POLH: variants seen among roughly 807,000 people sequenced by gnomAD.
The protein encoded by POLH is DNA polymerase eta transcript.
In POLH, 53 loss-of-function variants were observed where a neutral mutation model predicts 73.6. The ratio of observed to expected loss-of-function variants is 0.72; its 90% CI spans 0.58 to 0.91. POLH has a LOEUF of 0.91. POLH is among the 40% of genes least tolerant of loss of function. POLH has a pLI of 0.00. For missense variants in POLH, 768 were observed against 865.4 expected (o/e 0.89, Z 1.41); for synonymous variants, 292 against 308.5 (o/e 0.95, Z 0.56).
In POLH at chr6:43,614,590, AT is replaced by A; in HGVS notation, c.*39del. 1 of 1,543,884 alleles carries A rather than the reference AT, an allele frequency of 6.5e-7. No homozygotes were observed. Among genetic ancestry groups the A allele is most frequent in the Non-Finnish European group, 8.9e-7 (1 of 1,120,764 alleles). On this transcript the variant is annotated 3_prime_UTR_variant, in exon 11 of 11. Coordinates refer to ENST00000372236, the MANE Select transcript of POLH (RefSeq NM_006502.3). ...CTCAGGCTTGCCTGTAGGATTTAAT[AT>A]TTTTTATCTTTACAGATCTTTATCT...
intron 3 of POLH, among the ~76,000 whole-genome samples, chr6:43,586,430 G>A (rs982170037): frequency 2.6e-5 from 4 of 152,188 alleles, no homozygotes. Flanking sequence ...GCAGTGAGGC[G>A]AGATGCCACT....
Position 43,620,265 on chromosome 6 carries a change from C to T in POLH, c.*5708C>T, listed in dbSNP as rs1280238344. ...GCTACCTATTTCACGTGAAAGGCCT[C>T]AGTATTCTGCTCACTTGAACTACGG... On this transcript the variant is annotated 3_prime_UTR_variant, in exon 11 of 11. Coordinates refer to ENST00000372236, the MANE Select transcript of POLH (RefSeq NM_006502.3). 1.9e-6 allele frequency: 1 copy of T among 517,212 alleles called. No individual in the cohort carries two copies. The highest frequency in any genetic ancestry group is 5.5e-5 in the East Asian group (1 of 18,230). The allele number at this position is 517,212 out of a possible 1,614,324, so 32.0% of individuals were successfully genotyped here. A position where few individuals can be genotyped will look rare whatever the true frequency, so the allele number is the denominator to read the frequency against.
chr6:43,595,520 G>A (rs1270018561), intron 4 of POLH, among the ~76,000 whole-genome samples: 1 of 152,186 alleles, frequency 6.6e-6, no homozygotes, highest in Non-Finnish European at 1.5e-5. Context: ...GGCCAAGGCA[G>A]GCGGATCACG....
Position 43,602,995 on chromosome 6 carries a change from CTTTTTTTTTTT to C in POLH, c.765-884_765-874del, listed in dbSNP as rs59306548. Among the ~76,000 whole-genome samples the C allele has an allele frequency of 6.5e-4, 74 of 114,032 alleles. 1 individual carries two copies. Among genetic ancestry groups the C allele is most frequent in the African/African-American group, 2.7e-3 (69 of 25,802 alleles). 74.8% of individuals were successfully genotyped at this position (114,032 alleles called of 152,430 possible). On this transcript the variant is annotated intron_variant, in intron 6 of 10. Transcript: ENST00000372236. Reference sequence around the variant, plus strand: ...CTGTTTATATTTAGGTTATGTATTCCTTTTTTTTTTTTTTTTTTTTTTTGAAACAGAGTCTT... The same window carrying C: ...CTGTTTATATTTAGGTTATGTATTCCTTTTTTTTTTTTGAAACAGAGTCTT...
chr6:43,582,335 G>A lies in POLH; in HGVS notation c.16G>A (p.Asp6Asn), dbSNP rs1246593709. The stretch of plus-strand genomic sequence containing the variant: ...TTACAGAAAAATGGCTACTGGACAG[G>A]ATCGAGTGGTTGCTCTCGTGGACAT... MATGQ[D>N]RVVALVDMDC... Residue 6 changes from aspartate (D) to asparagine (N), a missense_variant, in exon 2 of 11, where the codon GAT becomes AAT. Transcript: ENST00000372236. The A allele has an allele frequency of 1.2e-6, 2 of 1,614,046 alleles. No homozygotes were observed. Among genetic ancestry groups the A allele is most frequent in the Non-Finnish European group, 1.7e-6 (2 of 1,180,026 alleles).
At chr6:43,612,408 G>A (rs948553785) in intron 10 of POLH, among the ~76,000 whole-genome samples, 27 of 149,884 alleles carry the variant, frequency 1.8e-4, no homozygotes, top group Admixed American at 1.7e-3. Flanking sequence ...GTGCAGTGAC[G>A]CAATCTCGGC....
intron 4 of POLH, among the ~76,000 whole-genome samples, chr6:43,595,677 G>A (rs1471303665): frequency 1.3e-5 from 2 of 152,110 alleles, no homozygotes; most frequent in Admixed American, 6.6e-5. Flanking sequence ...CGTGGACTCG[G>A]GAGGCTGAGG....
At chr6:43,607,655 T>C (rs1332127868) in intron 9 of POLH, among the ~76,000 whole-genome samples, 1 of 152,218 alleles carries the variant, frequency 6.6e-6, no homozygotes, top group Non-Finnish European at 1.5e-5. Context: ...TTTTCCACAG[T>C]GGCTACACCA....
chr6:43,576,675 C>T (rs962768764), intron 1 of POLH, among the ~76,000 whole-genome samples: 2 of 152,104 alleles, frequency 1.3e-5, no homozygotes, highest in Non-Finnish European at 2.9e-5. Flanking sequence ...GTATTATTAC[C>T]TGGTGGGCAC....
intron 3 of POLH, among the ~76,000 whole-genome samples, chr6:43,584,125 A>G (rs777960299): frequency 1.3e-5 from 2 of 152,230 alleles, no homozygotes; most frequent in Non-Finnish European, 2.9e-5. Flanking sequence ...TCTGGGTGAC[A>G]GAGTGAGACC....
At position 43,619,182 on chromosome 6, in the gene POLH, GC is replaced by G. The variant is rs1768543714; in HGVS notation, c.*4627del. 6.6e-6 allele frequency among the ~76,000 whole-genome samples: 1 copy of G among 151,834 alleles called. No individual in the cohort carries two copies. The highest frequency in any genetic ancestry group is 1.5e-5 in the Non-Finnish European group (1 of 67,972). On this transcript the variant is annotated 3_prime_UTR_variant, in exon 11 of 11. Coordinates refer to ENST00000372236, the MANE Select transcript of POLH (RefSeq NM_006502.3). ...ACTGGAGCCCTGGAGTTCAAAACCG[GC>G]CTAAGCCACATGGCAAAACAGTCTT...
At chr6:43,592,922 G>T (rs1449985180) in intron 4 of POLH, among the ~76,000 whole-genome samples, 3 of 151,772 alleles carry the variant, frequency 2.0e-5, no homozygotes, top group Admixed American at 6.6e-5. Context: ...TCACTATGTT[G>T]CCCGGGCTGG....
At position 43,619,181 on chromosome 6, in the gene POLH, G is replaced by A. The variant is rs769857583; in HGVS notation, c.*4624G>A. Among the ~76,000 whole-genome samples, 67 of 151,670 alleles carry A rather than the reference G, an allele frequency of 4.4e-4. No homozygotes were observed. Among genetic ancestry groups the A allele is most frequent in the Non-Finnish European group, 8.0e-4 (54 of 67,924 alleles). On this transcript the variant is annotated 3_prime_UTR_variant, in exon 11 of 11. Transcript: ENST00000372236. Reference sequence around the variant, plus strand: ...TACTGGAGCCCTGGAGTTCAAAACCGGCCTAAGCCACATGGCAAAACAGTC... The same window carrying A: ...TACTGGAGCCCTGGAGTTCAAAACCAGCCTAAGCCACATGGCAAAACAGTC...
chr6:43,582,451 TG>T lies in POLH; in HGVS notation c.134del (p.Gly45ValfsTer3). 6.2e-7 allele frequency: 1 copy of T among 1,613,418 alleles called. No individual in the cohort carries two copies. ...AVVQYKSWKG[G>X]GIIAVSYEAR... is the part of the protein sequence containing the mutation. ...TTGTACAGTACAAATCATGGAAGGG[TG>T]GTGGGTATGTATCATTGTTATTGTC... is the stretch of plus-strand genomic sequence containing the variant. On this transcript the variant is annotated frameshift_variant, in exon 2 of 11. Transcript: ENST00000372236. LOFTEE classifies it high-confidence loss of function.
chr6:43,588,153 G>C (rs1765043055), intron 4 of POLH: 1 of 159,578 alleles, frequency 6.3e-6, no homozygotes, highest in African/African-American at 2.4e-5. Context: ...TTTTTAAAGG[G>C]GGGCCTCAGG....
chr6:43,613,895 AAAG>A lies in POLH; in HGVS notation c.1484_1486del (p.Glu495del), dbSNP rs758047172. 3 of 1,613,974 alleles carry A rather than the reference AAAG, an allele frequency of 1.9e-6. No individual in the cohort carries two copies. In the South Asian group the frequency reaches 3.3e-5, roughly 18 times the overall value. On this transcript the variant is annotated inframe_deletion, in exon 11 of 11. Coordinates refer to ENST00000372236, the MANE Select transcript of POLH (RefSeq NM_006502.3). ...AAAAGCTGCAGAAAGGCAGAAAGTT[AAAG>A]AAGCTTCGCTTTCATCTCTTACTGC...
chr6:43,576,339 G>C lies in POLH; in HGVS notation c.-106G>C, dbSNP rs924063807. On this transcript the variant is annotated 5_prime_UTR_variant, in exon 1 of 11. Transcript: ENST00000372236. ...CTCACTGGACCGCTCCTAGAAAGGC[G>C]AAAAGATATTCAGGAGCCCTTCCAT... is the stretch of plus-strand genomic sequence containing the variant. 3 of 152,938 alleles carry C rather than the reference G, an allele frequency of 2.0e-5. No individual in the cohort carries two copies. The Admixed American group carries it at 2.0e-4, about 10-fold the overall frequency. 9.5% of individuals were successfully genotyped at this position (152,938 alleles called of 1,614,324 possible). A position where few individuals can be genotyped will look rare whatever the true frequency, so the allele number is the denominator to read the frequency against.
At chr6:43,604,867 C>T in intron 8 of POLH, 129 bp downstream of exon 8, 1 of 974,782 alleles carries the variant, frequency 1.0e-6, no homozygotes, top group Middle Eastern at 2.1e-4. Context: ...ATGTTCTGTC[C>T]TTGGGTTGAA....
chr6:43,593,373 G>A (rs1765681554), intron 4 of POLH, among the ~76,000 whole-genome samples: 1 of 152,172 alleles, frequency 6.6e-6, no homozygotes, highest in African/African-American at 2.4e-5. Flanking sequence ...ATGTGGAGTA[G>A]CCAAACAACT....
Sources: gnomAD v4.1 joint callset for allele counts (sites outside exome capture counted in the v4.1 genomes callset) on GRCh38, gnomAD v4.1.1 for gene constraint, MANE v1.5 for transcripts, NCBI Gene and HGNC (gene_info 2026-07-23, HGNC 2026-07-21) for gene names.